Variants in PLEKHM1 observed in about 807,000 individuals in gnomAD.
PLEKHM1 encodes pleckstrin homology and RUN domain containing M1.
In PLEKHM1, 28 loss-of-function variants were observed where a neutral mutation model predicts 94.3. The observed-to-expected ratio is 0.30, with a 90% CI of 0.22 to 0.41. PLEKHM1 has a LOEUF of 0.41. Ranked by LOEUF, PLEKHM1 falls within the 10% of genes least tolerant of loss-of-function variation. The pLI is 1.00. For missense variants in PLEKHM1, 907 were observed against 1,358.6 expected (o/e 0.67, Z 5.22); for synonymous variants, 424 against 581.2 (o/e 0.73, Z 3.89).
chr17:45,475,541 C>A lies in PLEKHM1; in HGVS notation c.482G>T (p.Gly161Val), dbSNP rs1300615378. 1.2e-6 allele frequency: 2 copies of A among 1,611,860 alleles called. No individual in the cohort carries two copies. Among genetic ancestry groups the A allele is most frequent in the East Asian group, 2.2e-5 (1 of 44,838 alleles). The change falls in exon 4 of 12, where the codon GGC (glycine) becomes GTC (valine). Residue 161 changes from glycine (G) to valine (V), a missense_variant. By Grantham distance (109) the Gly-to-Val change is moderately radical. This residue lies in a region of PLEKHM1 where 176 missense variants were observed against 306.0 expected (regional missense o/e 0.58). Coordinates refer to ENST00000430334, the MANE Select transcript of PLEKHM1 (RefSeq NM_014798.3). Reference sequence around the variant, plus strand: ...CTGCAGGAAGCTAAGGAGGAACTCGCCCTCCTCAGCATCCCGGAGCAGGGC... The same window carrying A: ...CTGCAGGAAGCTAAGGAGGAACTCGACCTCCTCAGCATCCCGGAGCAGGGC... ...PTALLRDAEE[G>V]EFLLSFLQGL...
chr17:45,482,562 G>A (rs763271296), intron 1 of PLEKHM1, 37 bp from the exon 2 acceptor site: 48 of 1,060,640 alleles, frequency 4.5e-5, no homozygotes, highest in Admixed American at 1.1e-4. Context: ...AATGGGCAGG[G>A]AACTTTCCCC....
At chr17:45,472,537 G>T (rs1329358396) in intron 4 of PLEKHM1, among the ~76,000 whole-genome samples, 3 of 152,188 alleles carry the variant, frequency 2.0e-5, no homozygotes, top group Non-Finnish European at 4.4e-5. Context: ...TAAGACAGGT[G>T]AGTGAACCTA....
Position 45,467,004 on chromosome 17 carries a change from T to C in PLEKHM1, c.1308+1205A>G, listed in dbSNP as rs141223286. 9.8e-5 allele frequency among the ~76,000 whole-genome samples: 15 copies of C among 152,302 alleles called. No individual in the cohort carries two copies. In the East Asian group the frequency reaches 2.7e-3, roughly 27 times the overall value. On this transcript the variant is annotated intron_variant, in intron 5 of 11. Coordinates refer to ENST00000430334, the MANE Select transcript of PLEKHM1 (RefSeq NM_014798.3). ...ACCCAAATGTCCATTAACAGGAGAA[T>C]GGGTAATAGGTTGCAATATATTTTT...
intron 5 of PLEKHM1, among the ~76,000 whole-genome samples, chr17:45,464,575 C>G (rs1449473274): frequency 1.3e-5 from 2 of 152,108 alleles, no homozygotes; most frequent in African/African-American, 4.8e-5. Context: ...TCAGTGGCAC[C>G]TGGTGACTAC....
chr17:45,457,906 A>G (rs1298123450), intron 6 of PLEKHM1, among the ~76,000 whole-genome samples: 1 of 152,124 alleles, frequency 6.6e-6, no homozygotes, highest in African/African-American at 2.4e-5. Context: ...CATAAATTGC[A>G]TAGTTTTCAG....
chr17:45,476,592 G>A (rs1424001392), intron 3 of PLEKHM1, among the ~76,000 whole-genome samples: 1 of 152,172 alleles, frequency 6.6e-6, no homozygotes, highest in East Asian at 1.9e-4. Flanking sequence ...ACTTGAGCAG[G>A]ATACAAGTTC....
At chr17:45,449,236 C>T (rs2050696621) in intron 8 of PLEKHM1, among the ~76,000 whole-genome samples, 1 of 151,436 alleles carries the variant, frequency 6.6e-6, no homozygotes, top group African/African-American at 2.4e-5. Context: ...CTGGCCAGCC[C>T]ATCTACCCAT....
chr17:45,486,103 G>C (rs1025684742), intron 1 of PLEKHM1, among the ~76,000 whole-genome samples: 1 of 149,008 alleles, frequency 6.7e-6, no homozygotes, highest in Non-Finnish European at 1.5e-5. Flanking sequence ...TGTAGTCCCA[G>C]CTACTCGGGA....
chr17:45,450,494 C>T lies in PLEKHM1; in HGVS notation c.2643+124G>A. 2.7e-6 allele frequency: 4 copies of T among 1,479,186 alleles called. No homozygotes were observed. The South Asian group carries it at 4.8e-5, about 18-fold the overall frequency. The allele number at this position is 1,479,186 out of a possible 1,614,324, so 91.6% of individuals were successfully genotyped here. A position where few individuals can be genotyped will look rare whatever the true frequency, so the allele number is the denominator to read the frequency against. On this transcript the variant is annotated intron_variant, in intron 8 of 11. Transcript: ENST00000430334. Reference sequence around the variant, plus strand: ...GCTCCCCAACATCACAGTGCCTGAACCAGTGACCCTGGCTTCCCTTGTTTA... The same window carrying T: ...GCTCCCCAACATCACAGTGCCTGAATCAGTGACCCTGGCTTCCCTTGTTTA...
At chr17:45,477,417 G>C (rs1394355251) in intron 3 of PLEKHM1, 19 of 214,956 alleles carry the variant, frequency 8.8e-5, no homozygotes, top group Non-Finnish European at 1.6e-4. Flanking sequence ...CTGAGTGACA[G>C]AGCGAAACTC....
intron 1 of PLEKHM1, among the ~76,000 whole-genome samples, chr17:45,489,062 G>C (rs1465913801): frequency 6.6e-6 from 1 of 152,170 alleles, no homozygotes; most frequent in Non-Finnish European, 1.5e-5. Flanking sequence ...GCTGAGCATG[G>C]GACTTGGGTG....
rs375027698 is a variant in PLEKHM1 at position 45,437,890 on chromosome 17, G to A, written c.3139C>T (p.Arg1047Cys). Residue 1047 changes from arginine to cysteine, a missense_variant, in exon 12 of 12, where the codon CGC becomes TGC. By Grantham distance (180) the Arg-to-Cys change is radical. Around this residue, in one of 3 missense-constraint regions of PLEKHM1, gnomAD observed 254 missense variants for 451.1 expected, o/e 0.56. Transcript: ENST00000430334. This position sits in a 1 kb window ranked among gnomAD's most constrained non-coding sequence, Gnocchi z 4.0. ...AAAATGTTCTGTTCCTGGTACTTGC[G>A]CCGGCGGGCACAGCGGGGGCAGCCC... The part of the protein sequence containing the change: ...KKGCPRCARR[R>C]KYQEQNIFA The A allele has an allele frequency of 2.4e-5, 38 of 1,613,830 alleles. 1 individual carries two copies. Among genetic ancestry groups the A allele is most frequent in the Middle Eastern group, 3.3e-4 (2 of 6,084 alleles).
chr17:45,459,076 C>A (rs181988796), intron 5 of PLEKHM1, among the ~76,000 whole-genome samples: 2 of 151,932 alleles, frequency 1.3e-5, no homozygotes, highest in South Asian at 2.1e-4. Flanking sequence ...TGCAGTGAGC[C>A]GTGATCACGC....
chr17:45,456,135 T>C (rs2050940150), intron 6 of PLEKHM1: 1 of 152,268 alleles, frequency 6.6e-6, no homozygotes, highest in South Asian at 2.1e-4. Flanking sequence ...AGGGCTTTTC[T>C]GGCCATCCTA....
intron 5 of PLEKHM1, among the ~76,000 whole-genome samples, chr17:45,461,265 C>T (rs1219307758): frequency 6.6e-6 from 1 of 152,158 alleles, no homozygotes; most frequent in East Asian, 1.9e-4. Context: ...TTGTAAGGTG[C>T]TTTATATATT....
rs749844668 is a variant in PLEKHM1, at chr17:45,453,816, A to T, written c.2036T>A (p.Val679Asp). 8.1e-6 allele frequency: 13 copies of T among 1,613,812 alleles called. No homozygotes were observed. The South Asian group carries it at 1.4e-4, about 18-fold the overall frequency. Residue 679 changes from valine to aspartate, a missense_variant, in exon 7 of 12, where the codon GTT becomes GAT. Physicochemically the swap from Val to Asp is radical, Grantham distance 152. Around this residue, in one of 3 missense-constraint regions of PLEKHM1, gnomAD observed 477 missense variants for 601.5 expected, o/e 0.79. Transcript: ENST00000430334. The surrounding 1 kb of genome is among the most constrained non-coding windows in gnomAD (Gnocchi z 4.1). ...CTCCTTGATGGCATCTGGCTCTGGA[A>T]CCTGGGCGGACGACCAGTCAAACTG... Reference protein sequence around the residue: ...GTQFDWSSAQVPEPDAIKESL... With the variant: ...GTQFDWSSAQDPEPDAIKESL...
At chr17:45,484,791 G>A (rs2052059431) in intron 1 of PLEKHM1, among the ~76,000 whole-genome samples, 1 of 152,108 alleles carries the variant, frequency 6.6e-6, no homozygotes, top group African/African-American at 2.4e-5. Flanking sequence ...AGGGGGTGCA[G>A]GGGAACATTA....
chr17:45,446,115 C>A, intron 8 of PLEKHM1: 1 of 270,268 alleles, frequency 3.7e-6, no homozygotes, highest in Non-Finnish European at 7.3e-6. Flanking sequence ...AGCTACAGAT[C>A]AGACACAGCT....
At position 45,458,412 on chromosome 17, in the gene PLEKHM1, C is replaced by T. The variant is rs1230565289; in HGVS notation, c.1336G>A (p.Asp446Asn). The stretch of plus-strand genomic sequence containing the variant: ...TGCTCCCGGGAAGGCCGGTAGAAGT[C>T]ATCCTCTGAGATCCAGCTCTTGTTT... ...PKNKSWISED[D>N]FYRPSREQPL... The change falls in exon 6 of 12, where the codon GAC becomes AAC. Residue 446 changes from aspartate to asparagine, a missense_variant. Around this residue, in one of 3 missense-constraint regions of PLEKHM1, gnomAD observed 477 missense variants for 601.5 expected, o/e 0.79. Transcript: ENST00000430334. 6.2e-7 allele frequency: 1 copy of T among 1,613,814 alleles called. No individual in the cohort carries two copies. The highest frequency in any genetic ancestry group is 8.5e-7 in the Non-Finnish European group (1 of 1,179,676).
Sources: gnomAD v4.1 joint callset for allele counts (sites outside exome capture counted in the v4.1 genomes callset) on GRCh38, gnomAD v4.1.1 for gene constraint, gnomAD v4.1.1 regional missense constraint, Gnocchi (gnomAD v3.1) non-coding constraint, MANE v1.5 for transcripts, NCBI Gene and HGNC (gene_info 2026-07-23, HGNC 2026-07-21) for gene names.